Variants in PROM2 observed in about 807,000 individuals in gnomAD.
PROM2 encodes prominin 2, also known as prominin-2.
Under a neutral mutation model 110.2 loss-of-function variants are expected in PROM2, and 90 were observed. That is an observed-to-expected ratio of 0.82 (90% CI 0.69 to 0.97). The LOEUF is 0.97. Ranked by LOEUF, PROM2 falls within the 50% of genes least tolerant of loss-of-function variation. The pLI is 0.00. For missense variants in PROM2, 1,009 were observed against 1,074.8 expected, an observed-to-expected ratio of 0.94 and a Z score of 0.86; for synonymous variants, 470 against 467.8, an observed-to-expected ratio of 1.00 and a Z score of -0.06.
Position 95,275,954 on chromosome 2 carries a change from G to C in PROM2, c.319G>C (p.Val107Leu), listed in dbSNP as rs142809353. ...GGTGGTGCGGTACGAGGCGGGCTACGTGGTATGCGCTGTGATCGCGGGCCT... is the reference window on the plus strand; with the variant it reads ...GGTGGTGCGGTACGAGGCGGGCTACCTGGTATGCGCTGTGATCGCGGGCCT... ...NEVVRYEAGY[V>L]VCAVIAGLYL... Residue 107 changes from valine to leucine, a missense_variant, in exon 3 of 24, where the codon GTG becomes CTG. Transcript: ENST00000317620. This position sits in a 1 kb window ranked among gnomAD's most constrained non-coding sequence, Gnocchi z 4.4. 4 of 1,612,146 alleles carry C rather than the reference G, an allele frequency of 2.5e-6. No homozygotes were observed. The highest frequency in any genetic ancestry group is 2.5e-6 in the Non-Finnish European group (3 of 1,179,718).
chr2:95,282,304 C>T (rs1159601751), intron 14 of PROM2, 78 bp downstream of exon 14: 3 of 1,200,746 alleles, frequency 2.5e-6, no homozygotes, highest in Non-Finnish European at 3.6e-6. Flanking sequence ...TGTGGAGGCA[C>T]CGTCTCTTTG....
At chr2:95,281,211 G>A in intron 11 of PROM2, 31 bp from the exon 12 acceptor site, 6 of 1,607,386 alleles carry the variant, frequency 3.7e-6, no homozygotes, top group Non-Finnish European at 5.1e-6. Flanking sequence ...AGTCCCTGCT[G>A]TCCCTCAGTC....
intron 18 of PROM2, 108 bp from the exon 19 acceptor site, chr2:95,287,025 G>C (rs1380872457): frequency 8.5e-6 from 11 of 1,294,858 alleles, no homozygotes; most frequent in Admixed American, 1.8e-5. Flanking sequence ...CCCTTGGCTT[G>C]TCTGTTGGAG....
chr2:95,284,972 A>T lies in PROM2; in HGVS notation c.1732A>T (p.Thr578Ser). ...CACCCTGCGCCTGCTCTCCCAGTAT[A>T]CCAACAAGCTACGGCAGGAGTTGCA... The part of the protein sequence containing the change: ...LEEHLDINQY[T>S]NKLRQELQSL... Residue 578 changes from threonine (T) to serine (S), a missense_variant, in exon 15 of 24, where the codon ACC (threonine) becomes TCC (serine). Physicochemically the swap from Thr to Ser is moderately conservative, Grantham distance 58 (BLOSUM62 1). Transcript: ENST00000317620. 6.2e-7 allele frequency: 1 copy of T among 1,610,268 alleles called. No homozygotes were observed. Among genetic ancestry groups the T allele is most frequent in the Non-Finnish European group, 8.5e-7 (1 of 1,178,110 alleles).
chr2:95,276,077 G>A lies in PROM2; in HGVS notation c.442G>A (p.Ala148Thr), dbSNP rs949870596. The A allele has an allele frequency of 3.1e-6, 5 of 1,611,190 alleles. No homozygotes were observed. The highest frequency in any genetic ancestry group is 1.7e-4 in the Middle Eastern group (1 of 6,060). ...AGTGAAGACAGAGCACAAGGCGCTG[G>A]CCTGTGAGCGCGCGGCCCTCATGGT... The part of the protein sequence containing the change: ...GRVKTEHKAL[A>T]CERAALMVFL... Residue 148 changes from alanine (A) to threonine (T), a missense_variant, in exon 3 of 24, where the codon GCC becomes ACC. Transcript: ENST00000317620. This position sits in a 1 kb window ranked among gnomAD's most constrained non-coding sequence, Gnocchi z 4.6.
chr2:95,279,888 G>A lies in PROM2; in HGVS notation c.1318G>A (p.Val440Met), dbSNP rs1226187927. The change falls in exon 11 of 24, where the codon GTG (valine) becomes ATG (methionine). Residue 440 changes from valine to methionine, a missense_variant. Val to Met is a conservative substitution (Grantham distance 21, BLOSUM62 1). Coordinates refer to ENST00000317620, the MANE Select transcript of PROM2 (RefSeq NM_001165978.3). ...GCTGTGCTCCGTGGTCCTATTCGTGGTGCTCTGCAACCTGCTGGGCCTCAA... is the reference window on the plus strand; with the variant it reads ...GCTGTGCTCCGTGGTCCTATTCGTGATGCTCTGCAACCTGCTGGGCCTCAA... Reference protein sequence around the residue: ...CVLCSVVLFVVLCNLLGLNLG... With the variant: ...CVLCSVVLFVMLCNLLGLNLG... The A allele has an allele frequency of 1.3e-6, 2 of 1,554,116 alleles. No individual in the cohort carries two copies. Among genetic ancestry groups the A allele is most frequent in the Non-Finnish European group, 1.7e-6 (2 of 1,147,720 alleles).
intron 9 of PROM2, 93 bp downstream of exon 9, chr2:95,278,877 G>A: frequency 1.2e-6 from 2 of 1,606,464 alleles, no homozygotes; most frequent in South Asian, 1.1e-5. Flanking sequence ...GGGGTGGCGG[G>A]GGACTGTCTT....
Position 95,275,785 on chromosome 2 carries a change from G to T in PROM2, c.295-145G>T. On this transcript the variant is annotated intron_variant, in intron 2 of 23. Coordinates refer to ENST00000317620, the MANE Select transcript of PROM2 (RefSeq NM_001165978.3). This position sits in a 1 kb window ranked among gnomAD's most constrained non-coding sequence, Gnocchi z 4.4. Reference sequence around the variant, plus strand: ...AGATGGTGATGAGCAGTAAGAATGCGGTCACCTCTGGGACGGGTTCCATGA... The same window carrying T: ...AGATGGTGATGAGCAGTAAGAATGCTGTCACCTCTGGGACGGGTTCCATGA... 6.8e-7 allele frequency: 1 copy of T among 1,477,338 alleles called. No homozygotes were observed. Among genetic ancestry groups the T allele is most frequent in the Non-Finnish European group, 9.0e-7 (1 of 1,116,542 alleles). The allele number at this position is 1,477,338 out of a possible 1,614,324, so 91.5% of individuals were successfully genotyped here.
In PROM2 at chr2:95,278,097, T is replaced by C. The variant is rs943204807; in HGVS notation, c.1050+93T>C. 65 of 1,101,838 alleles carry C rather than the reference T, an allele frequency of 5.9e-5. No individual in the cohort carries two copies. In the East Asian group the frequency reaches 1.6e-3, roughly 28 times the overall value. 68.3% of individuals were successfully genotyped at this position (1,101,838 alleles called of 1,614,324 possible). A position where few individuals can be genotyped will look rare whatever the true frequency, so the allele number is the denominator to read the frequency against. ...TGGGCAGGAACCCAGTTGAACCTAATATTTGGGGTCCCACCCACCACACAG... is the reference window on the plus strand; with the variant it reads ...TGGGCAGGAACCCAGTTGAACCTAACATTTGGGGTCCCACCCACCACACAG... On this transcript the variant is annotated intron_variant, in intron 8 of 23. Coordinates refer to ENST00000317620, the MANE Select transcript of PROM2 (RefSeq NM_001165978.3).
At chr2:95,277,675 C>G (rs1676756652) in intron 7 of PROM2, 109 bp downstream of exon 7, 1 of 1,149,350 alleles carries the variant, frequency 8.7e-7, no homozygotes, top group Non-Finnish European at 1.2e-6. Context: ...CTCCCTTGCT[C>G]CACCCACCCA....
At chr2:95,286,204 G>A (rs1677346609) in intron 16 of PROM2, among the ~76,000 whole-genome samples, 1 of 152,228 alleles carries the variant, frequency 6.6e-6, no homozygotes, top group Non-Finnish European at 1.5e-5. Context: ...ACCCCACAGG[G>A]TGGGCAGAGC....
At chr2:95,281,798 G>C in intron 12 of PROM2, 127 bp from the exon 13 acceptor site, 1 of 708,408 alleles carries the variant, frequency 1.4e-6, no homozygotes, top group Non-Finnish European at 2.5e-6. Context: ...GTGTGAGCTG[G>C]GGTGAGGGGA....
rs1676528186 is a variant in PROM2, at chr2:95,274,525, A to G, written c.-61A>G. 5 of 1,494,738 alleles carry G rather than the reference A, an allele frequency of 3.3e-6. No individual in the cohort carries two copies. Among genetic ancestry groups the G allele is most frequent in the African/African-American group, 1.4e-5 (1 of 71,064 alleles). The allele number at this position is 1,494,738 out of a possible 1,614,324, so 92.6% of individuals were successfully genotyped here. On this transcript the variant is annotated 5_prime_UTR_variant, in exon 1 of 24. The change abolishes an upstream ATG in the 5' untranslated region. Coordinates refer to ENST00000317620, the MANE Select transcript of PROM2 (RefSeq NM_001165978.3). ...AGGGACAGAGGCTGGAGAAGGATGT[A>G]TGGCCTGCCCTGGGCTTGTCTGTTC...
rs1464198418 is a variant in PROM2, at chr2:95,275,019, C to G, written c.244+190C>G. 4.7e-6 allele frequency: 3 copies of G among 637,282 alleles called. No homozygotes were observed. Among genetic ancestry groups the G allele is most frequent in the Non-Finnish European group, 7.5e-6 (3 of 399,262 alleles). The allele number at this position is 637,282 out of a possible 1,614,324, so 39.5% of individuals were successfully genotyped here. A position where few individuals can be genotyped will look rare whatever the true frequency, so the allele number is the denominator to read the frequency against. Reference sequence around the variant, plus strand: ...ACTGTGGGTAAGCCTCACTTCCTCTCTGAGCCTCAGGTGCTCTGTCTGTAA... The same window carrying G: ...ACTGTGGGTAAGCCTCACTTCCTCTGTGAGCCTCAGGTGCTCTGTCTGTAA... On this transcript the variant is annotated intron_variant, in intron 1 of 23. Coordinates refer to ENST00000317620, the MANE Select transcript of PROM2 (RefSeq NM_001165978.3). The surrounding 1 kb of genome is among the most constrained non-coding windows in gnomAD (Gnocchi z 4.4).
intron 20 of PROM2, 144 bp from the exon 21 acceptor site, chr2:95,288,067 C>T: frequency 1.4e-6 from 1 of 706,442 alleles, no homozygotes; most frequent in Non-Finnish European, 2.4e-6. Context: ...TGCCTCTCTG[C>T]ATGTGTATAC....
rs1677560915 is a variant in PROM2 at position 95,289,242 on chromosome 2, C to T, written c.*29C>T. On this transcript the variant is annotated 3_prime_UTR_variant, in exon 24 of 24. Coordinates refer to ENST00000317620, the MANE Select transcript of PROM2 (RefSeq NM_001165978.3). Reference sequence around the variant, plus strand: ...CTGACAGGGTGAGGTGACCCTGAGGCTGCCTGTCCTCCCCTTTGATTTAGC... The same window carrying T: ...CTGACAGGGTGAGGTGACCCTGAGGTTGCCTGTCCTCCCCTTTGATTTAGC... 3 of 562,760 alleles carry T rather than the reference C, an allele frequency of 5.3e-6. No individual in the cohort carries two copies. Among genetic ancestry groups the T allele is most frequent in the Non-Finnish European group, 9.6e-6 (3 of 312,994 alleles). The allele number at this position is 562,760 out of a possible 1,614,324, so 34.9% of individuals were successfully genotyped here. A position where few individuals can be genotyped will look rare whatever the true frequency, so the allele number is the denominator to read the frequency against.
chr2:95,284,985 G>A lies in PROM2; in HGVS notation c.1745G>A (p.Arg582Gln), dbSNP rs1316115015. ...LDINQYTNKL[R>Q]QELQSLKVDT... The stretch of plus-strand genomic sequence containing the variant: ...CTCTCCCAGTATACCAACAAGCTAC[G>A]GCAGGAGTTGCAGAGCCTGAAAGTA... The change falls in exon 15 of 24, where the codon CGG becomes CAG. Residue 582 changes from arginine (R) to glutamine (Q), a missense_variant. Coordinates refer to ENST00000317620, the MANE Select transcript of PROM2 (RefSeq NM_001165978.3). 9.9e-6 allele frequency: 16 copies of A among 1,609,922 alleles called. No individual in the cohort carries two copies. Among genetic ancestry groups the A allele is most frequent in the African/African-American group, 1.3e-5 (1 of 74,868 alleles).
intron 14 of PROM2, among the ~76,000 whole-genome samples, chr2:95,284,622 T>C (rs1478683365): frequency 6.6e-6 from 1 of 152,198 alleles, no homozygotes; most frequent in East Asian, 1.9e-4. Context: ...AAGCTTCCAC[T>C]CATGGCCGAA....
At position 95,278,801 on chromosome 2, in the gene PROM2, C is replaced by T; in HGVS notation, c.1114+17C>T. The T allele has an allele frequency of 6.2e-7, 1 of 1,613,978 alleles. No individual in the cohort carries two copies. Among genetic ancestry groups the T allele is most frequent in the Non-Finnish European group, 8.5e-7 (1 of 1,180,000 alleles). ...TGGTGCAAGGTTAGGCCACACGGGTCAGAGGCAGCTGCCAGGCATGGCTTC... is the reference window on the plus strand; with the variant it reads ...TGGTGCAAGGTTAGGCCACACGGGTTAGAGGCAGCTGCCAGGCATGGCTTC... On this transcript the variant is annotated intron_variant, in intron 9 of 23. Coordinates refer to ENST00000317620, the MANE Select transcript of PROM2 (RefSeq NM_001165978.3).
Sources: gnomAD v4.1 joint callset for allele counts (sites outside exome capture counted in the v4.1 genomes callset) on GRCh38, gnomAD v4.1.1 for gene constraint, Gnocchi (gnomAD v3.1) non-coding constraint, MANE v1.5 for transcripts, NCBI Gene and HGNC (gene_info 2026-07-23, HGNC 2026-07-21) for gene names.